The following ATP10D variants were observed in gnomAD, a reference collection of about 807,000 sequenced individuals.
The protein encoded by ATP10D is phospholipid-transporting ATPase VD.
A neutral mutation model predicts 144.8 loss-of-function variants in ATP10D; 89 were observed. That is an observed-to-expected ratio of 0.61 (90% CI 0.52 to 0.73). The LOEUF is 0.73. Ranked by LOEUF, ATP10D falls within the 30% of genes least tolerant of loss-of-function variation. The pLI, the probability that ATP10D is intolerant of heterozygous loss-of-function variation, is 0.00. For missense variants in ATP10D, 1,603 were observed against 1,714.8 expected (o/e 0.93, Z 1.15); for synonymous variants, 571 against 615.1 (o/e 0.93, Z 1.06).
intron 5 of ATP10D, among the ~76,000 whole-genome samples, chr4:47,532,723 A>ATCAAATTT (rs1717630367): frequency 6.6e-6 from 1 of 152,216 alleles, no homozygotes; most frequent in Admixed American, 6.5e-5. Context: ...GCTCTAAGGT[A>ATCAAATTT]GAACTGACAT....
intron 16 of ATP10D, among the ~76,000 whole-genome samples, chr4:47,569,610 T>A (rs573631537): frequency 6.6e-6 from 1 of 152,210 alleles, no homozygotes; most frequent in Non-Finnish European, 1.5e-5. Flanking sequence ...ACTACCTTTT[T>A]ACAAGGAACT....
At chr4:47,528,029 T>C (rs771639908) in intron 5 of ATP10D, among the ~76,000 whole-genome samples, 1 of 152,090 alleles carries the variant, frequency 6.6e-6, no homozygotes, top group African/African-American at 2.4e-5. Flanking sequence ...CTCAATGAAG[T>C]TTGTTAAAAT....
chr4:47,580,632 T>G (rs1043717602), intron 20 of ATP10D, among the ~76,000 whole-genome samples, 154 bp downstream of exon 20: 4 of 152,172 alleles, frequency 2.6e-5, no homozygotes, highest in African/African-American at 9.7e-5. Context: ...AAAATATATG[T>G]TAGGTAATGG....
At chr4:47,558,317 G>A (rs761626207) in intron 12 of ATP10D, 44 bp downstream of exon 12, 81 of 1,581,966 alleles carry the variant, frequency 5.1e-5, no homozygotes, top group Admixed American at 1.4e-4. Flanking sequence ...TGAAAAGCTC[G>A]GAGATTAAAA....
At chr4:47,486,241 A>G (rs1360881904) in intron 1 of ATP10D, among the ~76,000 whole-genome samples, 1 of 152,174 alleles carries the variant, frequency 6.6e-6, no homozygotes, top group Non-Finnish European at 1.5e-5. Context: ...TAGGGAATGG[A>G]TGGTTATTTT....
chr4:47,486,434 A>G (rs918368671), intron 1 of ATP10D, among the ~76,000 whole-genome samples: 1 of 152,210 alleles, frequency 6.6e-6, no homozygotes, highest in African/African-American at 2.4e-5. Flanking sequence ...CTCAAAATCA[A>G]CCTTGAGAGA....
At chr4:47,544,992 C>T (rs1443554467) in intron 9 of ATP10D, among the ~76,000 whole-genome samples, 2 of 152,004 alleles carry the variant, frequency 1.3e-5, no homozygotes, top group Non-Finnish European at 2.9e-5. Context: ...AAAAAATTAG[C>T]GATAAGTACT....
At chr4:47,486,463 G>T (rs11945442) in intron 1 of ATP10D, among the ~76,000 whole-genome samples, 1 of 152,016 alleles carries the variant, frequency 6.6e-6, no homozygotes, top group Admixed American at 6.5e-5. Context: ...CAAGGACAGG[G>T]GCTCCTCATC....
chr4:47,517,564 C>T (rs1047604368), intron 3 of ATP10D, among the ~76,000 whole-genome samples: 3 of 152,084 alleles, frequency 2.0e-5, no homozygotes, highest in Non-Finnish European at 2.9e-5. Context: ...AGCTAAACAC[C>T]CAGTTTCCTG....
Position 47,567,676 on chromosome 4 carries a change from G to C in ATP10D, c.2854-1161G>C, listed in dbSNP as rs190801502. On this transcript the variant is annotated intron_variant, in intron 15 of 22. Coordinates refer to ENST00000273859, the MANE Select transcript of ATP10D (RefSeq NM_020453.4). ...TGTAATGAGCTGTATGAGCATATCT[G>C]ATTCATCTTTGTATACTTTGCCTTA... 2.2e-3 allele frequency among the ~76,000 whole-genome samples: 337 copies of C among 152,280 alleles called. 2 individuals carry two copies. The highest frequency in any genetic ancestry group is 5.7e-4 in the Non-Finnish European group (39 of 68,022).
intron 5 of ATP10D, among the ~76,000 whole-genome samples, chr4:47,535,114 T>C (rs978632109): frequency 2.6e-5 from 4 of 151,982 alleles, no homozygotes; most frequent in African/African-American, 9.7e-5. Context: ...GCTAAACATT[T>C]AGTACATATA....
At chr4:47,580,300 T>C (rs965195003) in intron 19 of ATP10D, 98 bp from the exon 20 acceptor site, 1 of 972,818 alleles carries the variant, frequency 1.0e-6, no homozygotes, top group African/African-American at 1.6e-5. Context: ...AAATGGAGCT[T>C]TCTCTCAGAG....
At chr4:47,498,524 C>G (rs558414583) in intron 1 of ATP10D, among the ~76,000 whole-genome samples, 3 of 152,262 alleles carry the variant, frequency 2.0e-5, no homozygotes, top group African/African-American at 2.4e-5. Context: ...TTTTAAGGGT[C>G]AAGATGGAAT....
chr4:47,565,096 C>A (rs369723559), intron 15 of ATP10D, among the ~76,000 whole-genome samples: 3 of 152,302 alleles, frequency 2.0e-5, no homozygotes, highest in African/African-American at 7.2e-5. Flanking sequence ...GTAGCTGGGA[C>A]TACAGGCTCC....
intron 5 of ATP10D, among the ~76,000 whole-genome samples, chr4:47,535,278 A>T (rs993784987): frequency 6.6e-6 from 1 of 151,668 alleles, no homozygotes; most frequent in East Asian, 1.9e-4. Flanking sequence ...ATTTACCTAC[A>T]TAGTAAACCT....
At chr4:47,518,247 G>A (rs965733199) in intron 3 of ATP10D, among the ~76,000 whole-genome samples, 1 of 151,976 alleles carries the variant, frequency 6.6e-6, no homozygotes, top group African/African-American at 2.4e-5. Context: ...TGTAGTAGGT[G>A]GTGTTTCACA....
intron 4 of ATP10D, among the ~76,000 whole-genome samples, chr4:47,523,417 TAC>T (rs775799857): frequency 7.2e-5 from 11 of 152,234 alleles, no homozygotes; most frequent in Non-Finnish European, 1.0e-4. Flanking sequence ...CTTCAGAATT[TAC>T]ACACTTTAGT....
chr4:47,506,200 C>T (rs769420837), intron 1 of ATP10D, among the ~76,000 whole-genome samples: 17 of 151,992 alleles, frequency 1.1e-4, no homozygotes, highest in African/African-American at 1.7e-4. Flanking sequence ...ATATATTAAT[C>T]GCATTATATA....
At chr4:47,489,389 GAA>G (rs35842572) in intron 1 of ATP10D, among the ~76,000 whole-genome samples, 1 of 150,142 alleles carries the variant, frequency 6.7e-6, no homozygotes, top group Non-Finnish European at 1.5e-5. Context: ...TCCTAGTTTT[GAA>G]AAAAAAATCA....
Sources: allele counts gnomAD v4.1 joint callset (sites outside exome capture counted in the v4.1 genomes callset), GRCh38; gene constraint gnomAD v4.1.1; transcripts MANE v1.5; gene names NCBI Gene and HGNC (gene_info 2026-07-23, HGNC 2026-07-21).